TFB1M: variants seen among roughly 807,000 people sequenced by gnomAD.
TFB1M encodes the protein transcription factor B1, mitochondrial.
A neutral mutation model predicts 31.1 loss-of-function variants in TFB1M; 27 were observed. The observed-to-expected ratio is 0.87, with a 90% CI of 0.64 to 1.20. The LOEUF (loss-of-function observed/expected upper bound fraction) is 1.20. TFB1M is among the 50% of genes most tolerant of loss of function. The pLI, the probability that TFB1M is intolerant of heterozygous loss-of-function variation, is 0.00. For missense variants in TFB1M, 394 were observed against 418.7 expected, an observed-to-expected ratio of 0.94 and a Z score of 0.51; for synonymous variants, 166 against 151.8, an observed-to-expected ratio of 1.09 and a Z score of -0.69.
At chr6:155,275,973 T>A (rs1214413050) in intron 5 of TFB1M, 3 of 1,614,164 alleles carry the variant, frequency 1.9e-6, no homozygotes, top group African/African-American at 2.7e-5. Context: ...GCCACCATGG[T>A]CCTGGCGTGT....
the TFB1M span, among the ~76,000 whole-genome samples, chr6:155,246,998 C>T: frequency 6.6e-6 from 1 of 152,226 alleles, no homozygotes; most frequent in African/African-American, 2.4e-5. Context: ...GATTCCTACA[C>T]ACACCCTTCA....
intron 2 of TFB1M, among the ~76,000 whole-genome samples, chr6:155,305,697 A>G (rs1252597959): frequency 3.3e-5 from 2 of 60,398 alleles, no homozygotes; most frequent in Non-Finnish European, 5.5e-5. Flanking sequence ...ATATTTATAT[A>G]TAAATATATA....
downstream of TFB1M, chr6:155,252,884 T>C (rs1783753511): frequency 1.4e-6 from 2 of 1,431,158 alleles, no homozygotes; most frequent in African/African-American, 1.4e-5. Flanking sequence ...CTATTCACTG[T>C]GCACACATCC....
chr6:155,244,900 G>A, the TFB1M span: 169 of 1,277,748 alleles, frequency 1.3e-4, 2 homozygotes, highest in South Asian at 1.6e-3. Context: ...ACTATTTATT[G>A]TCCTGTGACT....
chr6:155,263,993 A>T (rs1436614075), intron 5 of TFB1M: 1 of 152,214 alleles, frequency 6.6e-6, no homozygotes, highest in African/African-American at 2.4e-5. Context: ...ACTTTAAAGA[A>T]CAACATATAA....
intron 1 of TFB1M, 103 bp from the exon 2 acceptor site, chr6:155,311,442 C>T (rs1582890183): frequency 2.2e-6 from 2 of 901,538 alleles, no homozygotes; most frequent in East Asian, 5.2e-5. Context: ...ATTACCCAAT[C>T]AATTGATCCT....
At chr6:155,289,442 T>C (rs991330684) in intron 4 of TFB1M, among the ~76,000 whole-genome samples, 9 of 152,192 alleles carry the variant, frequency 5.9e-5, no homozygotes, top group African/African-American at 2.2e-4. Flanking sequence ...ATTAATAAAA[T>C]GAGGTTAGAT....
intron 5 of TFB1M, among the ~76,000 whole-genome samples, chr6:155,273,319 T>C (rs1785029007): frequency 6.6e-6 from 1 of 152,234 alleles, no homozygotes; most frequent in African/African-American, 2.4e-5. Context: ...AATCCTTTTC[T>C]AAAATGGTAA....
the TFB1M span, chr6:155,248,131 C>CTGG: frequency 6.2e-7 from 1 of 1,614,162 alleles, no homozygotes; most frequent in Non-Finnish European, 8.5e-7. Flanking sequence ...GCTCAAGGAG[C>CTGG]TGGTGTCCCT....
intron 2 of TFB1M, 135 bp from the exon 3 acceptor site, chr6:155,298,720 T>C (rs1777294618): frequency 3.0e-6 from 2 of 667,112 alleles, no homozygotes; most frequent in Admixed American, 2.3e-5. Context: ...GAACAAATAC[T>C]GCATCACGTC....
At chr6:155,266,070 C>T (rs1386294559) in intron 5 of TFB1M, among the ~76,000 whole-genome samples, 2 of 152,088 alleles carry the variant, frequency 1.3e-5, no homozygotes, top group Admixed American at 6.6e-5. Flanking sequence ...GGTCTACCTT[C>T]CCCACCTCAC....
At position 155,256,721 on chromosome 6, in the gene TFB1M, G is replaced by A; in HGVS notation, c.*1115C>T. The stretch of plus-strand genomic sequence containing the variant: ...CTCATCAAAGAGAGTGACATCCTGA[G>A]CGATGAAGATGATGACCACCGTCAG... On this transcript the variant is annotated 3_prime_UTR_variant, in exon 7 of 7. Coordinates refer to ENST00000367166, the MANE Select transcript of TFB1M (RefSeq NM_016020.4). The A allele has an allele frequency of 6.2e-7, 1 of 1,614,176 alleles. No individual in the cohort carries two copies. The highest frequency in any genetic ancestry group is 2.2e-5 in the East Asian group (1 of 44,872).
At chr6:155,297,519 GGT>G (rs1777231729) in intron 3 of TFB1M, among the ~76,000 whole-genome samples, 1 of 152,166 alleles carries the variant, frequency 6.6e-6, no homozygotes, top group Non-Finnish European at 1.5e-5. Context: ...GCAATACGTA[GGT>G]GGTAAGTGAA....
chr6:155,252,133 C>G, downstream of TFB1M: 1 of 671,234 alleles, frequency 1.5e-6, no homozygotes, highest in East Asian at 2.8e-5. Context: ...GGGTAACTAA[C>G]CCCATCACAT....
intron 3 of TFB1M, 33 bp downstream of exon 3, chr6:155,298,444 A>T (rs2114781276): frequency 9.3e-7 from 1 of 1,074,430 alleles, no homozygotes; most frequent in Non-Finnish European, 1.5e-6. Flanking sequence ...TAATCATAAA[A>T]GAAATGTTTT....
chr6:155,259,089 C>G (rs1229092704), intron 6 of TFB1M, among the ~76,000 whole-genome samples: 5 of 152,102 alleles, frequency 3.3e-5, no homozygotes, highest in Admixed American at 3.3e-4. Flanking sequence ...CAGACCAATT[C>G]CAGGATTTCC....
At chr6:155,261,093 A>G (rs1185431473) in intron 5 of TFB1M, 1 of 153,820 alleles carries the variant, frequency 6.5e-6, no homozygotes, top group Non-Finnish European at 1.4e-5. Flanking sequence ...TAAGAGATTT[A>G]TACCCTGATT....
intron 4 of TFB1M, among the ~76,000 whole-genome samples, chr6:155,296,707 C>T (rs1323926429): frequency 6.6e-6 from 1 of 152,164 alleles, no homozygotes; most frequent in Non-Finnish European, 1.5e-5. Flanking sequence ...ATGGCTGTTG[C>T]ATCCCTGTGT....
chr6:155,282,948 C>T (rs1360003597), intron 5 of TFB1M, among the ~76,000 whole-genome samples: 1 of 151,990 alleles, frequency 6.6e-6, no homozygotes, highest in Non-Finnish European at 1.5e-5. Flanking sequence ...AGGATGGTCT[C>T]GATCTCCTGA....
Sources: gnomAD v4.1 joint callset for allele counts (sites outside exome capture counted in the v4.1 genomes callset) on GRCh38, gnomAD v4.1.1 for gene constraint, MANE v1.5 for transcripts, NCBI Gene and HGNC (gene_info 2026-07-23, HGNC 2026-07-21) for gene names.